Variants in LRP1B observed in about 807,000 individuals in gnomAD.
LRP1B encodes low-density lipoprotein receptor-related protein 1B.
LRP1B carries 217 observed loss-of-function variants against 556.6 expected under a neutral mutation model. That is an observed-to-expected ratio of 0.39 (90% CI 0.35 to 0.44). The LOEUF is 0.44. Ranked by LOEUF, LRP1B falls within the 20% of genes least tolerant of loss-of-function variation. The probability of loss-of-function intolerance (pLI) is 1.00; values close to 1 mark genes in which losing one functional copy is unlikely to be tolerated. For missense variants in LRP1B, 5,053 were observed against 5,620.8 expected (o/e 0.90, Z 3.23); for synonymous variants, 2,047 against 1,865.8 (o/e 1.10, Z -2.50).
At chr2:140,334,597 G>A (rs1424641096) in intron 78 of LRP1B, 38 bp from the exon 79 acceptor site, 1 of 1,194,748 alleles carries the variant, frequency 8.4e-7, no homozygotes, top group Non-Finnish European at 1.2e-6. Flanking sequence ...CCTGGTGATG[G>A]TGCTGCTATA....
intron 3 of LRP1B, among the ~76,000 whole-genome samples, chr2:141,472,551 A>AAAATC (rs1682516952): frequency 6.6e-6 from 1 of 152,158 alleles, no homozygotes; most frequent in Non-Finnish European, 1.5e-5. Flanking sequence ...AAAAAAAATT[A>AAAATC]AAATCAAATC....
chr2:141,532,245 C>T (rs780727089), intron 2 of LRP1B, among the ~76,000 whole-genome samples: 6 of 151,456 alleles, frequency 4.0e-5, no homozygotes, highest in African/African-American at 1.5e-4. Flanking sequence ...AAGTTCAAGA[C>T]GTAGGTATGA....
At chr2:141,543,446 C>A (rs919534939) in intron 2 of LRP1B, among the ~76,000 whole-genome samples, 1 of 141,386 alleles carries the variant, frequency 7.1e-6, no homozygotes, top group Non-Finnish European at 1.5e-5. Context: ...GCCCGGGAGG[C>A]TGAAGTTGAG....
rs2105117954 is a variant in LRP1B at position 140,850,232 on chromosome 2, A to G, written c.4809T>C (p.Pro1603=). 1 of 1,612,976 alleles carries G rather than the reference A, an allele frequency of 6.2e-7. No individual in the cohort carries two copies. The highest frequency in any genetic ancestry group is 8.5e-7 in the Non-Finnish European group (1 of 1,178,996). ...YFNFITAFTV[P]DIDDVTVIDF... is the part of the protein sequence containing the mutation. The stretch of plus-strand genomic sequence containing the variant: ...CTATCACAGTAACGTCATCAATATC[A>G]GGGACTGTAAATGCCGTGATGAAGT... The change falls in exon 29 of 91, where the codon CCT becomes CCC. Residue 1603 remains proline, a synonymous_variant. Coordinates refer to ENST00000389484, the MANE Select transcript of LRP1B (RefSeq NM_018557.3).
chr2:140,235,516 G>GT (rs1489756623), intron 89 of LRP1B, among the ~76,000 whole-genome samples: 4 of 150,876 alleles, frequency 2.7e-5, no homozygotes, highest in South Asian at 2.1e-4. Context: ...AGAACTAGCT[G>GT]TTTTTTTCTG....
chr2:141,661,640 G>A (rs907140677), intron 2 of LRP1B, among the ~76,000 whole-genome samples: 1 of 152,166 alleles, frequency 6.6e-6, no homozygotes, highest in Admixed American at 6.6e-5. Context: ...AAAAAAGAAT[G>A]AAAGGGAAAG....
chr2:140,891,994 A>G (rs1693813434), intron 23 of LRP1B, among the ~76,000 whole-genome samples: 1 of 152,248 alleles, frequency 6.6e-6, no homozygotes, highest in Middle Eastern at 3.4e-3. Flanking sequence ...TGTGTGTGAG[A>G]GGCAGAGTGA....
chr2:140,481,282 T>A (rs945874701), intron 59 of LRP1B, among the ~76,000 whole-genome samples: 1 of 152,142 alleles, frequency 6.6e-6, no homozygotes, highest in African/African-American at 2.4e-5. Flanking sequence ...TTGCACAACA[T>A]GTTTATGATC....
chr2:141,131,936 C>T (rs542961759), intron 7 of LRP1B, among the ~76,000 whole-genome samples: 1 of 151,850 alleles, frequency 6.6e-6, no homozygotes, highest in Admixed American at 6.6e-5. Context: ...GTACCCATCA[C>T]CCGAGCAGTA....
chr2:141,287,644 T>C (rs1358003652), intron 3 of LRP1B, among the ~76,000 whole-genome samples: 3 of 152,184 alleles, frequency 2.0e-5, no homozygotes, highest in Non-Finnish European at 2.9e-5. Context: ...GTTGTTTAAT[T>C]GGCAAATATT....
intron 14 of LRP1B, among the ~76,000 whole-genome samples, chr2:141,009,811 C>A (rs769381673): frequency 6.6e-6 from 1 of 151,872 alleles, no homozygotes; most frequent in Non-Finnish European, 1.5e-5. Flanking sequence ...GATTCACATT[C>A]TTTTTCTTCT....
Position 141,664,046 on chromosome 2 carries a change from G to A in LRP1B, c.205+146233C>T, listed in dbSNP as rs565307989. On this transcript the variant is annotated intron_variant, in intron 2 of 90. Coordinates refer to ENST00000389484, the MANE Select transcript of LRP1B (RefSeq NM_018557.3). ...AGCACATCAAAAAGCTTCCCTGCTC[G>A]ATCAAGTCAGCATCAAGGGATGCAA... Among the ~76,000 whole-genome samples the A allele has an allele frequency of 1.4e-4, 21 of 152,054 alleles. No homozygotes were observed. In the South Asian group the frequency reaches 3.5e-3, roughly 26 times the overall value.
chr2:141,999,113 A>G (rs537339270), intron 1 of LRP1B, among the ~76,000 whole-genome samples: 1 of 152,236 alleles, frequency 6.6e-6, no homozygotes, highest in Admixed American at 6.5e-5. Flanking sequence ...TAGAGTCAGG[A>G]TGGAATTCGA....
chr2:141,423,359 C>T (rs1391459553), intron 3 of LRP1B, among the ~76,000 whole-genome samples: 1 of 141,268 alleles, frequency 7.1e-6, no homozygotes, highest in Admixed American at 7.4e-5. Flanking sequence ...ATGGAGAGAG[C>T]AGTTAACTGG....
intron 1 of LRP1B, among the ~76,000 whole-genome samples, chr2:142,087,233 G>T (rs1705976752): frequency 6.6e-6 from 1 of 151,950 alleles, no homozygotes; most frequent in Non-Finnish European, 1.5e-5. Flanking sequence ...ATGGATTTGG[G>T]GTGGAGAAAA....
intron 7 of LRP1B, among the ~76,000 whole-genome samples, chr2:141,079,972 A>G (rs1173018132): frequency 6.6e-6 from 1 of 152,224 alleles, no homozygotes; most frequent in African/African-American, 2.4e-5. Flanking sequence ...GTATGTCTAA[A>G]TTTTTATGCC....
intron 35 of LRP1B, among the ~76,000 whole-genome samples, chr2:140,744,065 T>G (rs939813713): frequency 7.0e-6 from 1 of 142,432 alleles, no homozygotes; most frequent in Non-Finnish European, 1.5e-5. Flanking sequence ...AAGATGTTAA[T>G]CAAAGGGTAT....
intron 41 of LRP1B, among the ~76,000 whole-genome samples, chr2:140,621,904 A>G (rs1255746507): frequency 6.6e-6 from 1 of 152,194 alleles, no homozygotes; most frequent in Non-Finnish European, 1.5e-5. Context: ...TGAGCAACAA[A>G]TCAATAATTG....
intron 41 of LRP1B, among the ~76,000 whole-genome samples, chr2:140,658,480 CAAT>C (rs1410169924): frequency 2.0e-5 from 3 of 151,362 alleles, no homozygotes; most frequent in African/African-American, 4.8e-5. Flanking sequence ...TATTTATAAA[CAAT>C]AATCATTTTT....
Sources: gnomAD v4.1 joint callset for allele counts (sites outside exome capture counted in the v4.1 genomes callset) on GRCh38, gnomAD v4.1.1 for gene constraint, MANE v1.5 for transcripts, NCBI Gene and HGNC (gene_info 2026-07-23, HGNC 2026-07-21) for gene names.